ZNF407: variants seen among roughly 807,000 people sequenced by gnomAD.
The protein encoded by ZNF407 is zinc finger protein 407.
Under a neutral mutation model 131.2 loss-of-function variants are expected in ZNF407, and 17 were observed. That is an observed-to-expected ratio of 0.13 (90% CI 0.09 to 0.19). The LOEUF is 0.19. Ranked by LOEUF, ZNF407 falls within the 10% of genes least tolerant of loss-of-function variation. ZNF407 has a pLI of 1.00. For missense variants in ZNF407, 2,681 were observed against 2,830.6 expected, an observed-to-expected ratio of 0.95 and a Z score of 1.20; for synonymous variants, 1,156 against 1,062.0, an observed-to-expected ratio of 1.09 and a Z score of -1.72.
At chr18:74,763,285 A>G (rs1053069255) in intron 3 of ZNF407, among the ~76,000 whole-genome samples, 1 of 147,620 alleles carries the variant, frequency 6.8e-6, no homozygotes, top group Non-Finnish European at 1.5e-5. Flanking sequence ...TATTTAAAAA[A>G]TTGTGTTGTT....
intron 4 of ZNF407, among the ~76,000 whole-genome samples, chr18:74,808,421 A>G (rs1970145887): frequency 2.0e-5 from 3 of 152,220 alleles, no homozygotes; most frequent in Admixed American, 2.0e-4. Context: ...TGAAACAACA[A>G]AGTCTATAAA....
chr18:74,844,653 T>G (rs1970678401), intron 4 of ZNF407, among the ~76,000 whole-genome samples: 1 of 152,146 alleles, frequency 6.6e-6, no homozygotes, highest in African/African-American at 2.4e-5. Context: ...TTTTTCAAAA[T>G]TTTTAAATTA....
chr18:74,675,635 T>G (rs1349262132), intron 3 of ZNF407, among the ~76,000 whole-genome samples: 2 of 152,234 alleles, frequency 1.3e-5, no homozygotes, highest in Admixed American at 1.3e-4. Context: ...TTGCCTTTTA[T>G]TGCATAGCTT....
In ZNF407 at chr18:74,844,728, G is replaced by T. The variant is rs1970679561; in HGVS notation, c.4878-32469G>T. Among the ~76,000 whole-genome samples, 2 of 151,998 alleles carry T rather than the reference G, an allele frequency of 1.3e-5. 1 individual carries two copies. Among genetic ancestry groups the T allele is most frequent in the African/African-American group, 4.8e-5 (2 of 41,384 alleles). ...ATATATTTAGAGTCATCAAAACGGG[G>T]AAACACCATGAGAAAACAAGATAAA... On this transcript the variant is annotated intron_variant, in intron 4 of 8. Coordinates refer to ENST00000299687, the MANE Select transcript of ZNF407 (RefSeq NM_017757.3).
intron 4 of ZNF407, among the ~76,000 whole-genome samples, chr18:74,832,846 A>G (rs994262858): frequency 6.6e-6 from 1 of 152,356 alleles, no homozygotes; most frequent in East Asian, 1.9e-4. Context: ...ATGTATTTCT[A>G]AAGTAACATC....
intron 3 of ZNF407, among the ~76,000 whole-genome samples, chr18:74,692,679 A>C (rs1296245698): frequency 6.6e-6 from 1 of 152,034 alleles, no homozygotes. Context: ...TCACAGGATG[A>C]ATTCCTGCCC....
intron 3 of ZNF407, among the ~76,000 whole-genome samples, chr18:74,739,500 T>TTATTTA (rs1289721241): frequency 3.3e-5 from 5 of 151,518 alleles, no homozygotes; most frequent in Non-Finnish European, 5.9e-5. Context: ...AGCTTTCCTT[T>TTATTTA]TATTTATATT....
chr18:74,671,211 TTG>T, intron 3 of ZNF407, among the ~76,000 whole-genome samples: 1 of 152,338 alleles, frequency 6.6e-6, no homozygotes, highest in East Asian at 1.9e-4. Flanking sequence ...ATTTGTACTT[TTG>T]TGACTGGTGT....
intron 8 of ZNF407, among the ~76,000 whole-genome samples, chr18:75,031,102 C>T (rs1599302844): frequency 6.6e-6 from 1 of 152,146 alleles, no homozygotes; most frequent in Admixed American, 6.5e-5. Flanking sequence ...CACTCACCTG[C>T]AAGACCTCAC....
chr18:74,610,093 A>G (rs1346852444), intron 1 of ZNF407, among the ~76,000 whole-genome samples: 2 of 152,202 alleles, frequency 1.3e-5, no homozygotes, highest in Non-Finnish European at 2.9e-5. Context: ...GGCAGGGAAC[A>G]AGTCTCTTTT....
chr18:74,937,272 G>A (rs1972049544), intron 8 of ZNF407, among the ~76,000 whole-genome samples: 1 of 152,096 alleles, frequency 6.6e-6, no homozygotes, highest in Non-Finnish European at 1.5e-5. Context: ...TTTTATACAA[G>A]CAATCACTAT....
intron 8 of ZNF407, among the ~76,000 whole-genome samples, chr18:75,060,630 C>CGAGGCT (rs971129840): frequency 1.6e-4 from 24 of 151,936 alleles, no homozygotes; most frequent in African/African-American, 5.8e-4. Context: ...CTCAGCCTCC[C>CGAGGCT]GAGTAGCTGG....
At chr18:74,739,744 A>C (rs1216783644) in intron 3 of ZNF407, among the ~76,000 whole-genome samples, 1 of 152,176 alleles carries the variant, frequency 6.6e-6, no homozygotes, top group African/African-American at 2.4e-5. Flanking sequence ...TTGAGATAAA[A>C]AAATGCTCAT....
intron 3 of ZNF407, among the ~76,000 whole-genome samples, chr18:74,731,308 C>T (rs895967339): frequency 1.3e-5 from 2 of 152,108 alleles, no homozygotes; most frequent in Non-Finnish European, 2.9e-5. Context: ...GCATTTCGGG[C>T]GAGTCACTCA....
intron 3 of ZNF407, among the ~76,000 whole-genome samples, chr18:74,736,229 G>T (rs1005015354): frequency 2.0e-5 from 3 of 151,912 alleles, no homozygotes; most frequent in African/African-American, 7.3e-5. Context: ...GCTGTGTTTT[G>T]CACTCAATTA....
chr18:74,743,344 T>G (rs990867527), intron 3 of ZNF407, among the ~76,000 whole-genome samples: 2 of 152,226 alleles, frequency 1.3e-5, no homozygotes, highest in East Asian at 3.9e-4. Context: ...TGGTCAGGAT[T>G]TATCTTGTCT....
At chr18:75,021,646 GACTT>G (rs774918794) in intron 8 of ZNF407, among the ~76,000 whole-genome samples, 3 of 152,160 alleles carry the variant, frequency 2.0e-5, no homozygotes, top group South Asian at 2.1e-4. Context: ...AATTTTGTGA[GACTT>G]ACTAGGATAG....
chr18:74,700,442 G>T (rs1967465311), intron 3 of ZNF407, among the ~76,000 whole-genome samples: 1 of 152,196 alleles, frequency 6.6e-6, no homozygotes, highest in South Asian at 2.1e-4. Flanking sequence ...TATCAGAGGT[G>T]TGATGTCACT....
chr18:75,063,870 C>T lies in ZNF407; in HGVS notation c.6149C>T (p.Pro2050Leu), dbSNP rs753311643. 8 of 1,611,648 alleles carry T rather than the reference C, an allele frequency of 5.0e-6. No individual in the cohort carries two copies. Among genetic ancestry groups the T allele is most frequent in the East Asian group, 2.2e-5 (1 of 44,804 alleles). The change falls in exon 9 of 9, where the codon CCG becomes CTG. Residue 2050 changes from proline to leucine, a missense_variant. This residue lies in a region of ZNF407 where 620 missense variants were observed against 583.1 expected (regional missense o/e 1.06). Coordinates refer to ENST00000299687, the MANE Select transcript of ZNF407 (RefSeq NM_017757.3). This position sits in a 1 kb window ranked among gnomAD's most constrained non-coding sequence, Gnocchi z 6.6. ...IQMFPQAQESPAAVEVLTQVV... is the reference protein window; with the variant it reads ...IQMFPQAQESLAAVEVLTQVV... The stretch of plus-strand genomic sequence containing the variant: ...ATGTTCCCACAGGCCCAGGAGAGCC[C>T]GGCCGCCGTGGAGGTGCTCACCCAG...
Sources: gnomAD v4.1 joint callset for allele counts (sites outside exome capture counted in the v4.1 genomes callset) on GRCh38, gnomAD v4.1.1 for gene constraint, gnomAD v4.1.1 regional missense constraint, Gnocchi (gnomAD v3.1) non-coding constraint, MANE v1.5 for transcripts, NCBI Gene and HGNC (gene_info 2026-07-23, HGNC 2026-07-21) for gene names.